Variants in SMYD3 observed in about 807,000 individuals in gnomAD.
SMYD3 encodes the protein histone-lysine N-methyltransferase SMYD3.
SMYD3 carries 36 observed loss-of-function variants against 57.7 expected under a neutral mutation model. That is an observed-to-expected ratio of 0.62 (90% CI 0.48 to 0.82). The LOEUF (loss-of-function observed/expected upper bound fraction) is 0.82. SMYD3 is among the 40% of genes least tolerant of loss of function. The pLI, the probability that SMYD3 is intolerant of heterozygous loss-of-function variation, is 0.00. For missense variants in SMYD3, 515 were observed against 538.8 expected (o/e 0.96, Z 0.44); for synonymous variants, 211 against 195.0 (o/e 1.08, Z -0.68).
At chr1:246,317,735 T>C (rs986619173) in intron 5 of SMYD3, among the ~76,000 whole-genome samples, 2 of 152,210 alleles carry the variant, frequency 1.3e-5, no homozygotes, top group Non-Finnish European at 2.9e-5. Context: ...GTACATGATA[T>C]ATATAATTTT....
Position 246,240,550 on chromosome 1 carries a change from C to T in SMYD3, c.531+86651G>A, listed in dbSNP as rs533561179. Among the ~76,000 whole-genome samples, 5 of 151,624 alleles carry T rather than the reference C, an allele frequency of 3.3e-5. No homozygotes were observed. In the East Asian group the frequency reaches 9.6e-4, roughly 29 times the overall value. On this transcript the variant is annotated intron_variant, in intron 5 of 11. Coordinates refer to ENST00000490107, the MANE Select transcript of SMYD3 (RefSeq NM_001167740.2). ...GATGCCTCCAGCTTTGTTCTTTTGGCTTAGGATTGTCTTGGCAATAAGGGC... is the reference window on the plus strand; with the variant it reads ...GATGCCTCCAGCTTTGTTCTTTTGGTTTAGGATTGTCTTGGCAATAAGGGC...
chr1:245,811,019 G>A (rs1343278883), intron 10 of SMYD3, among the ~76,000 whole-genome samples: 4 of 152,172 alleles, frequency 2.6e-5, no homozygotes, highest in Non-Finnish European at 5.9e-5. Context: ...CAGGCTCACT[G>A]ATGCATCTTC....
chr1:246,322,028 A>G (rs1431428740), intron 5 of SMYD3, among the ~76,000 whole-genome samples: 1 of 152,084 alleles, frequency 6.6e-6, no homozygotes, highest in Non-Finnish European at 1.5e-5. Context: ...AAGTGCTAGG[A>G]CTATAGGAGT....
Position 245,865,546 on chromosome 1 carries a change from G to A in SMYD3, c.814-1660C>T, listed in dbSNP as rs376394997. Among the ~76,000 whole-genome samples, 3 of 152,250 alleles carry A rather than the reference G, an allele frequency of 2.0e-5. No individual in the cohort carries two copies. In the East Asian group the frequency reaches 5.8e-4, roughly 29 times the overall value. On this transcript the variant is annotated intron_variant, in intron 8 of 11. Coordinates refer to ENST00000490107, the MANE Select transcript of SMYD3 (RefSeq NM_001167740.2). ...AGCCTGGAACCAAAATTTCACCCCA[G>A]GTCTGTTTGATTCCAAAAGGCTATC...
intron 5 of SMYD3, among the ~76,000 whole-genome samples, chr1:246,097,704 C>T (rs1050293984): frequency 3.3e-5 from 5 of 151,922 alleles, no homozygotes; most frequent in African/African-American, 1.2e-4. Flanking sequence ...CCTTCTGCTT[C>T]GTGACCAACT....
At chr1:246,149,841 A>G (rs948838764) in intron 5 of SMYD3, among the ~76,000 whole-genome samples, 1 of 152,214 alleles carries the variant, frequency 6.6e-6, no homozygotes, top group Non-Finnish European at 1.5e-5. Flanking sequence ...ATAAGACACA[A>G]AACTTGCTCA....
At chr1:246,348,077 T>TATATATATATAC in intron 2 of SMYD3, among the ~76,000 whole-genome samples, 2,440 of 85,788 alleles carry the variant, frequency 0.028, 314 homozygotes, top group Non-Finnish European at 0.046. Context: ...TATATATATA[T>TATATATATATAC]ACACACACAC....
chr1:245,803,571 G>A (rs1449636858), intron 10 of SMYD3, among the ~76,000 whole-genome samples: 4 of 152,144 alleles, frequency 2.6e-5, no homozygotes, highest in Admixed American at 6.5e-5. Flanking sequence ...GAAGATGGAC[G>A]ACAACTCAAA....
chr1:246,406,899 A>G (rs2066874655), intron 1 of SMYD3, among the ~76,000 whole-genome samples: 1 of 152,218 alleles, frequency 6.6e-6, no homozygotes, highest in South Asian at 2.1e-4. Context: ...TGGTAATATT[A>G]TTATAGTTTA....
At chr1:245,991,407 C>T (rs2058811313) in intron 5 of SMYD3, among the ~76,000 whole-genome samples, 4 of 152,244 alleles carry the variant, frequency 2.6e-5, no homozygotes, top group Admixed American at 2.6e-4. Flanking sequence ...TTCTGAGCAG[C>T]TTAAAGCAAC....
intron 5 of SMYD3, among the ~76,000 whole-genome samples, chr1:246,138,284 G>A (rs998799807): frequency 6.6e-6 from 1 of 151,814 alleles, no homozygotes; most frequent in Admixed American, 6.6e-5. Context: ...AAAGATATTT[G>A]CATTAAAACA....
chr1:246,344,938 A>C (rs2065688059), intron 2 of SMYD3, among the ~76,000 whole-genome samples: 1 of 152,172 alleles, frequency 6.6e-6, no homozygotes. Flanking sequence ...TAAATTCTGG[A>C]AACAACTTCT....
At chr1:246,296,882 C>T (rs1175974260) in intron 5 of SMYD3, among the ~76,000 whole-genome samples, 5 of 152,038 alleles carry the variant, frequency 3.3e-5, no homozygotes, top group Non-Finnish European at 4.4e-5. Context: ...GTTGAGATAG[C>T]GTTCTTAAAG....
intron 5 of SMYD3, among the ~76,000 whole-genome samples, chr1:246,178,455 A>G (rs1157884664): frequency 6.6e-6 from 1 of 152,226 alleles, no homozygotes; most frequent in Non-Finnish European, 1.5e-5. Context: ...GTATAAGCCA[A>G]AAACACCACT....
intron 10 of SMYD3, among the ~76,000 whole-genome samples, chr1:245,841,525 G>C (rs1436635613): frequency 6.6e-6 from 1 of 152,100 alleles, no homozygotes; most frequent in Non-Finnish European, 1.5e-5. Context: ...AAGGACATCA[G>C]AATTTTAAAT....
At chr1:245,988,890 C>T (rs948559552) in intron 5 of SMYD3, among the ~76,000 whole-genome samples, 8 of 152,354 alleles carry the variant, frequency 5.3e-5, no homozygotes, top group South Asian at 2.1e-4. Context: ...TGAGAGCTGA[C>T]GCTCAGCAGC....
intron 1 of SMYD3, among the ~76,000 whole-genome samples, chr1:246,371,803 TC>T (rs1474705077): frequency 6.6e-6 from 1 of 152,186 alleles, no homozygotes; most frequent in East Asian, 1.9e-4. Context: ...CACTTCAGCT[TC>T]GGGGGTGGGA....
At chr1:245,875,588 T>C (rs1189389070) in intron 8 of SMYD3, among the ~76,000 whole-genome samples, 1 of 152,230 alleles carries the variant, frequency 6.6e-6, no homozygotes, top group Non-Finnish European at 1.5e-5. Context: ...CAAATTTGGA[T>C]GTTCAAAATG....
At chr1:246,449,736 C>T (rs779031488) in intron 1 of SMYD3, among the ~76,000 whole-genome samples, 3 of 117,970 alleles carry the variant, frequency 2.5e-5, no homozygotes, top group African/African-American at 1.1e-4. Flanking sequence ...AAAAGGACAC[C>T]GTGCCTGACA....
Sources: allele counts gnomAD v4.1 joint callset (sites outside exome capture counted in the v4.1 genomes callset), GRCh38; gene constraint gnomAD v4.1.1; transcripts MANE v1.5; gene names NCBI Gene and HGNC (gene_info 2026-07-23, HGNC 2026-07-21).